The following IQCH variants were observed in gnomAD, a reference collection of about 807,000 sequenced individuals.
IQCH encodes IQ domain-containing protein H.
In IQCH, 98 loss-of-function variants were observed where a neutral mutation model predicts 117.0. That is an observed-to-expected ratio of 0.84 (90% CI 0.71 to 0.99). The LOEUF (loss-of-function observed/expected upper bound fraction) is 0.99. Among genes scored for constraint, IQCH ranks in the 50% least tolerant of loss-of-function variants. IQCH has a pLI of 0.00. For synonymous variants in IQCH, 412 were observed against 448.2 expected, an observed-to-expected ratio of 0.92 and a Z score of 1.02; for missense variants, 1,102 against 1,243.8, an observed-to-expected ratio of 0.89 and a Z score of 1.72.
At position 67,413,349 on chromosome 15, in the gene IQCH, G is replaced by C. The variant is rs2081497881; in HGVS notation, c.2098-3582G>C. On this transcript the variant is annotated intron_variant, in intron 14 of 20. Coordinates refer to ENST00000335894, the MANE Select transcript of IQCH (RefSeq NM_001031715.3). This position sits in a 1 kb window ranked among gnomAD's most constrained non-coding sequence, Gnocchi z 5.0. ...AGCTTGTTAAACCACTGCTGCGATG[G>C]AGTCCTTTGCTCCTGGATTTGAGCT... Among the ~76,000 whole-genome samples the C allele has an allele frequency of 6.6e-6, 1 of 152,134 alleles. No homozygotes were observed. The highest frequency in any genetic ancestry group is 2.1e-4 in the South Asian group (1 of 4,828).
chr15:67,271,374 TTTG>T (rs571467126), intron 3 of IQCH, among the ~76,000 whole-genome samples: 4 of 152,204 alleles, frequency 2.6e-5, no homozygotes, highest in Admixed American at 6.5e-5. Flanking sequence ...AGTTTTCTTT[TTTG>T]TTGTTGTTGT....
chr15:67,309,859 A>C (rs898978254), intron 4 of IQCH, among the ~76,000 whole-genome samples: 2 of 150,790 alleles, frequency 1.3e-5, no homozygotes, highest in Non-Finnish European at 3.0e-5. Flanking sequence ...TAAGCAAATT[A>C]CATTTCAGAT....
chr15:67,486,467 T>A (rs919837240), intron 18 of IQCH, among the ~76,000 whole-genome samples: 1 of 152,190 alleles, frequency 6.6e-6, no homozygotes, highest in Non-Finnish European at 1.5e-5. Context: ...ATATCCCACA[T>A]ATCCCTGGAT....
intron 16 of IQCH, among the ~76,000 whole-genome samples, chr15:67,441,116 T>A (rs1304381778): frequency 3.3e-5 from 2 of 60,240 alleles, no homozygotes; most frequent in African/African-American, 1.4e-4. Context: ...CCTTTTGCAA[T>A]AGCTGCAAAA....
At chr15:67,289,423 A>G (rs78392155) in intron 4 of IQCH, among the ~76,000 whole-genome samples, 4,254 of 152,164 alleles carry the variant, frequency 0.028, 214 homozygotes, top group African/African-American at 0.099. Context: ...TTAGTAGTAG[A>G]ACTAACACGA....
rs1194946085 is a variant in IQCH at position 67,457,678 on chromosome 15, C to CT, written c.2506-7449_2506-7448insT. Among the ~76,000 whole-genome samples the CT allele has an allele frequency of 1.1e-4, 16 of 152,336 alleles. No individual in the cohort carries two copies. In the East Asian group the frequency reaches 2.9e-3, roughly 28 times the overall value. On this transcript the variant is annotated intron_variant, in intron 16 of 20. Coordinates refer to ENST00000335894, the MANE Select transcript of IQCH (RefSeq NM_001031715.3). The surrounding 1 kb of genome is among the most constrained non-coding windows in gnomAD (Gnocchi z 5.7). ...CATATCCCTCAGGGATAGATCCCAT[C>CT]AGGCCTATATTAATAGACAAGGAAA...
Position 67,390,424 on chromosome 15 carries a change from G to A in IQCH, c.1632+1418G>A, listed in dbSNP as rs752471735. Among the ~76,000 whole-genome samples, 21 of 152,166 alleles carry A rather than the reference G, an allele frequency of 1.4e-4. No homozygotes were observed. The highest frequency in any genetic ancestry group is 2.4e-4 in the Non-Finnish European group (16 of 68,010). On this transcript the variant is annotated intron_variant, in intron 12 of 20. Coordinates refer to ENST00000335894, the MANE Select transcript of IQCH (RefSeq NM_001031715.3). This position sits in a 1 kb window ranked among gnomAD's most constrained non-coding sequence, Gnocchi z 5.0. ...TTAAAGAGGCATAGAATGGGGAAGG[G>A]GCACTAGATTGGGGAGAAAAAAAGT...
At chr15:67,258,733 A>G (rs1030826795) in intron 1 of IQCH, among the ~76,000 whole-genome samples, 1 of 152,154 alleles carries the variant, frequency 6.6e-6, no homozygotes, top group African/African-American at 2.4e-5. Flanking sequence ...TCTGTCTCCA[A>G]ATTGTCAAAA....
At chr15:67,301,232 T>G (rs1967010990) in intron 4 of IQCH, among the ~76,000 whole-genome samples, 1 of 152,116 alleles carries the variant, frequency 6.6e-6, no homozygotes, top group African/African-American at 2.4e-5. Context: ...AATTTTATTT[T>G]TGTTTTTGAA....
At chr15:67,277,923 A>C (rs1210007317) in intron 3 of IQCH, among the ~76,000 whole-genome samples, 3 of 152,134 alleles carry the variant, frequency 2.0e-5, no homozygotes, top group African/African-American at 4.8e-5. Flanking sequence ...TGAGCTTTGC[A>C]GTCTTTCATC....
chr15:67,329,882 G>C (rs1255129232), intron 4 of IQCH, among the ~76,000 whole-genome samples: 1 of 152,098 alleles, frequency 6.6e-6, no homozygotes, highest in African/African-American at 2.4e-5. Context: ...ATGTGTGTGT[G>C]TGTGTCCTGT....
chr15:67,400,498 T>TTCTTTTTTTTTTTTTTTC (rs1971616024), intron 14 of IQCH, among the ~76,000 whole-genome samples, 193 bp downstream of exon 14: 2 of 137,300 alleles, frequency 1.5e-5, no homozygotes, highest in Non-Finnish European at 3.1e-5. Flanking sequence ...TTTCTTTTTT[T>TTCTTTTTTTTTTTTTTTC]TTTTGAGATG....
Position 67,364,978 on chromosome 15 carries a change from T to C in IQCH, c.753+5093T>C, listed in dbSNP as rs1970280032. On this transcript the variant is annotated intron_variant, in intron 8 of 20. Transcript: ENST00000335894. This position sits in a 1 kb window ranked among gnomAD's most constrained non-coding sequence, Gnocchi z 4.1. ...TGTTTTGAGATGCGGTCTCTCTCTG[T>C]CACCTAGTCTGCAGTGCAGTGGCAC... Among the ~76,000 whole-genome samples, 1 of 152,204 alleles carries C rather than the reference T, an allele frequency of 6.6e-6. No individual in the cohort carries two copies. The highest frequency in any genetic ancestry group is 6.5e-5 in the Admixed American group (1 of 15,274).
At position 67,376,184 on chromosome 15, in the gene IQCH, G is replaced by A. The variant is rs1157413740; in HGVS notation, c.1372+2751G>A. Among the ~76,000 whole-genome samples the A allele has an allele frequency of 6.6e-6, 1 of 152,138 alleles. No individual in the cohort carries two copies. The highest frequency in any genetic ancestry group is 2.4e-5 in the African/African-American group (1 of 41,424). The stretch of plus-strand genomic sequence containing the variant: ...TCCACAGATAGAATTCTCAAACGAT[G>A]TATATATTTTTAAGGATATAGGGTA... On this transcript the variant is annotated intron_variant, in intron 10 of 20. Transcript: ENST00000335894. This position sits in a 1 kb window ranked among gnomAD's most constrained non-coding sequence, Gnocchi z 5.0.
intron 16 of IQCH, among the ~76,000 whole-genome samples, chr15:67,448,325 T>G (rs1567197528): frequency 6.6e-6 from 1 of 151,602 alleles, no homozygotes; most frequent in Non-Finnish European, 1.5e-5. Context: ...CTGCACCCAT[T>G]AACTCATCAT....
chr15:67,278,175 G>C (rs1966207064), intron 3 of IQCH, among the ~76,000 whole-genome samples: 1 of 152,166 alleles, frequency 6.6e-6, no homozygotes, highest in Admixed American at 6.5e-5. Flanking sequence ...ATTTTCTTGA[G>C]AGCTTACCTT....
At chr15:67,484,680 G>A (rs1232063893) in intron 18 of IQCH, among the ~76,000 whole-genome samples, 2 of 150,824 alleles carry the variant, frequency 1.3e-5, no homozygotes, top group Non-Finnish European at 3.0e-5. Flanking sequence ...GGCGGAGGTT[G>A]CAGTGAGCCG....
intron 16 of IQCH, among the ~76,000 whole-genome samples, chr15:67,429,007 G>C (rs773394883): frequency 1.3e-5 from 2 of 152,138 alleles, no homozygotes; most frequent in African/African-American, 4.8e-5. Flanking sequence ...AAAAGGCAAG[G>C]AAACAGATTC....
chr15:67,418,818 T>C (rs2081646990), intron 15 of IQCH, among the ~76,000 whole-genome samples: 1 of 151,860 alleles, frequency 6.6e-6, no homozygotes, highest in African/African-American at 2.4e-5. Context: ...CCTAAGGTGA[T>C]CCGCCCGCCT....
Sources: allele counts gnomAD v4.1 joint callset (sites outside exome capture counted in the v4.1 genomes callset), GRCh38; gene constraint gnomAD v4.1.1; non-coding constraint Gnocchi (gnomAD v3.1); transcripts MANE v1.5; gene names NCBI Gene and HGNC (gene_info 2026-07-23, HGNC 2026-07-21).